UROS: variants seen among roughly 807,000 people sequenced by gnomAD.
UROS encodes uroporphyrinogen-III synthase.
A neutral mutation model predicts 33.0 loss-of-function variants in UROS; 18 were observed. The observed-to-expected ratio is 0.55, with a 90% CI of 0.38 to 0.81. The LOEUF is 0.81. UROS is among the 30% of genes least tolerant of loss of function. The pLI is 0.00. For synonymous variants in UROS, 114 were observed against 121.1 expected, an observed-to-expected ratio of 0.94 and a Z score of 0.38; for missense variants, 293 against 314.9, an observed-to-expected ratio of 0.93 and a Z score of 0.53.
intron 8 of UROS, chr10:125,795,357 C>G: frequency 3.3e-6 from 1 of 304,796 alleles, no homozygotes; most frequent in South Asian, 3.5e-5. Flanking sequence ...CTCCCTCCCT[C>G]TGGAAGCAGA....
intron 5 of UROS, among the ~76,000 whole-genome samples, chr10:125,807,897 G>C (rs141862208): frequency 6.6e-6 from 1 of 152,314 alleles, no homozygotes; most frequent in African/African-American, 2.4e-5. Flanking sequence ...CTTTTTGCAG[G>C]AATCGGCATT....
chr10:125,809,434 A>G (rs937416163), intron 5 of UROS, among the ~76,000 whole-genome samples: 10 of 152,222 alleles, frequency 6.6e-5, no homozygotes, highest in Admixed American at 3.9e-4. Context: ...AAATATGCAT[A>G]TATTATTGAA....
intron 1 of UROS, among the ~76,000 whole-genome samples, chr10:125,818,350 G>A (rs1009221405): frequency 9.2e-5 from 14 of 151,978 alleles, no homozygotes; most frequent in African/African-American, 2.9e-4. Context: ...ACAAGGAGCC[G>A]GGCATAGTGG....
At position 125,810,265 on chromosome 10, in the gene UROS, A is replaced by G. The variant is rs140069666; in HGVS notation, c.319+1949T>C. Among the ~76,000 whole-genome samples, 37 of 152,318 alleles carry G rather than the reference A, an allele frequency of 2.4e-4. No individual in the cohort carries two copies. In the East Asian group the frequency reaches 5.8e-3, roughly 24 times the overall value. ...TGGATGCCACTTCCAAGATTAGGTTATAAAAAGACTGTGGCTTCAGTGGTA... is the reference window on the plus strand; with the variant it reads ...TGGATGCCACTTCCAAGATTAGGTTGTAAAAAGACTGTGGCTTCAGTGGTA... On this transcript the variant is annotated intron_variant, in intron 5 of 9. Coordinates refer to ENST00000368797, the MANE Select transcript of UROS (RefSeq NM_000375.3).
chr10:125,786,696 C>A (rs1850640902), downstream of UROS, among the ~76,000 whole-genome samples: 1 of 152,196 alleles, frequency 6.6e-6, no homozygotes, highest in African/African-American at 2.4e-5. Flanking sequence ...TCCCATCTAG[C>A]CACTGAGCCA....
chr10:125,815,150 A>G lies in UROS; in HGVS notation c.148-20T>C. 1 of 1,613,464 alleles carries G rather than the reference A, an allele frequency of 6.2e-7. No individual in the cohort carries two copies. The highest frequency in any genetic ancestry group is 8.5e-7 in the Non-Finnish European group (1 of 1,179,512). ...AGAAAGCTGCACACCAAAAAGCAAT[A>G]AAGACATTTTATACGATGGCTATGT... is the stretch of plus-strand genomic sequence containing the variant. On this transcript the variant is annotated intron_variant, in intron 3 of 9. Coordinates refer to ENST00000368797, the MANE Select transcript of UROS (RefSeq NM_000375.3).
chr10:125,820,675 G>C (rs1399517807), intron 1 of UROS, among the ~76,000 whole-genome samples: 1 of 152,216 alleles, frequency 6.6e-6, no homozygotes, highest in Non-Finnish European at 1.5e-5. Flanking sequence ...CAAGGTAGGT[G>C]GTGTTAGCCT....
intron 6 of UROS, among the ~76,000 whole-genome samples, chr10:125,805,030 A>T (rs915709129): frequency 3.9e-5 from 6 of 152,176 alleles, no homozygotes; most frequent in Non-Finnish European, 8.8e-5. Flanking sequence ...GGGAAGCAAT[A>T]TGGGGGGTGG....
At chr10:125,787,539 G>A (rs1850670805), downstream of UROS, among the ~76,000 whole-genome samples, 1 of 152,052 alleles carries the variant, frequency 6.6e-6, no homozygotes, top group African/African-American at 2.4e-5. Flanking sequence ...CTTTATTCTA[G>A]AAACCAATTC....
chr10:125,816,109 CT>C (rs1853296164), intron 3 of UROS, 67 bp downstream of exon 3: 1 of 1,439,614 alleles, frequency 6.9e-7, no homozygotes, highest in Non-Finnish European at 9.8e-7. Flanking sequence ...AAAATAGTCC[CT>C]CTCTGGCTTC....
chr10:125,822,233 G>C (rs915939601), intron 1 of UROS, among the ~76,000 whole-genome samples: 1 of 151,954 alleles, frequency 6.6e-6, no homozygotes, highest in South Asian at 2.1e-4. Flanking sequence ...GCTGGCGCTC[G>C]CTCTGCAGTT....
At chr10:125,800,399 C>T (rs1030522381) in intron 6 of UROS, among the ~76,000 whole-genome samples, 16 of 152,188 alleles carry the variant, frequency 1.1e-4, no homozygotes, top group African/African-American at 3.4e-4. Flanking sequence ...TGGGCATCCT[C>T]GTGTGCGTGC....
At chr10:125,788,545 T>C, downstream of UROS, 1 of 1,253,622 alleles carries the variant, frequency 8.0e-7, no homozygotes, top group South Asian at 2.5e-5. Context: ...GAACACAGCT[T>C]TGCACTTAAA....
At chr10:125,803,405 G>A (rs921672223) in intron 6 of UROS, among the ~76,000 whole-genome samples, 2 of 152,244 alleles carry the variant, frequency 1.3e-5, no homozygotes, top group Non-Finnish European at 2.9e-5. Context: ...AGCACACTGA[G>A]CTGTGGGAAG....
chr10:125,792,641 A>T (rs1278254190), intron 9 of UROS: 1 of 152,218 alleles, frequency 6.6e-6, no homozygotes, highest in Non-Finnish European at 1.5e-5. Context: ...TCCCAAGTCA[A>T]TGGATAAGTA....
chr10:125,817,741 CAA>C (rs1222978846), intron 1 of UROS, among the ~76,000 whole-genome samples: 1 of 152,122 alleles, frequency 6.6e-6, no homozygotes, highest in Non-Finnish European at 1.5e-5. Flanking sequence ...GACACTCATC[CAA>C]AGTCTCAGAA....
chr10:125,822,117 A>G (rs1853974038), intron 1 of UROS, among the ~76,000 whole-genome samples: 1 of 152,120 alleles, frequency 6.6e-6, no homozygotes, highest in Admixed American at 6.5e-5. Flanking sequence ...ACAGAGAAAA[A>G]TCAATTGAGA....
At chr10:125,793,261 C>G (rs950974887) in intron 9 of UROS, 1 of 148,216 alleles carries the variant, frequency 6.7e-6, no homozygotes, top group East Asian at 2.0e-4. Context: ...TTTGTTCTTC[C>G]TCTAGGCAAA....
downstream of UROS, among the ~76,000 whole-genome samples, chr10:125,786,971 G>A (rs564768880): frequency 2.0e-5 from 3 of 152,306 alleles, no homozygotes; most frequent in Non-Finnish European, 2.9e-5. Flanking sequence ...TCACGCAATC[G>A]TCGAGGACAC....
Sources: gnomAD v4.1 joint callset for allele counts (sites outside exome capture counted in the v4.1 genomes callset) on GRCh38, gnomAD v4.1.1 for gene constraint, MANE v1.5 for transcripts, NCBI Gene and HGNC (gene_info 2026-07-23, HGNC 2026-07-21) for gene names.